The following PRIM2 variants were observed in gnomAD, a reference collection of about 807,000 sequenced individuals.
PRIM2 encodes the protein DNA primase large subunit.
PRIM2 carries 39 observed loss-of-function variants against 67.3 expected under a neutral mutation model. That is an observed-to-expected ratio of 0.58 (90% CI 0.45 to 0.76). The LOEUF is 0.76. Among genes scored for constraint, PRIM2 ranks in the 30% least tolerant of loss-of-function variants. PRIM2 has a pLI of 0.00. For synonymous variants in PRIM2, 143 were observed against 198.7 expected (o/e 0.72, Z 2.36); for missense variants, 398 against 598.7 (o/e 0.66, Z 3.50).
chr6:57,368,783 G>A (rs73751304), intron 5 of PRIM2, among the ~76,000 whole-genome samples: 1 of 152,186 alleles, frequency 6.6e-6, no homozygotes, highest in African/African-American at 2.4e-5. Context: ...GAAGGTCACT[G>A]TTCCAGTCAG....
chr6:57,525,539 A>G (rs1463785975), intron 8 of PRIM2, among the ~76,000 whole-genome samples: 5 of 152,140 alleles, frequency 3.3e-5, no homozygotes, highest in African/African-American at 7.2e-5. Context: ...CAGTTCCCCA[A>G]GATCACCCCT....
In PRIM2 at chr6:57,365,185, T is replaced by G. The variant is rs572914918; in HGVS notation, c.460-14716T>G. 2.0e-5 allele frequency among the ~76,000 whole-genome samples: 3 copies of G among 147,858 alleles called. No individual in the cohort carries two copies. In the South Asian group the frequency reaches 6.7e-4, roughly 33 times the overall value. On this transcript the variant is annotated intron_variant, in intron 5 of 13. Coordinates refer to ENST00000615550, the MANE Select transcript of PRIM2 (RefSeq NM_000947.5). ...AGAGAAGTATTATTTCTTTAATTTG[T>G]TTAACTGCCCTTGTGCTCATCTGGA...
chr6:57,348,863 C>T (rs1320358990), intron 5 of PRIM2, among the ~76,000 whole-genome samples: 1 of 150,530 alleles, frequency 6.6e-6, no homozygotes, highest in African/African-American at 2.4e-5. Context: ...TTATCTGCCT[C>T]AGTCTCCCAA....
intron 10 of PRIM2, among the ~76,000 whole-genome samples, chr6:57,567,055 A>G (rs1775757518): frequency 6.6e-6 from 1 of 152,172 alleles, no homozygotes; most frequent in Non-Finnish European, 1.5e-5. Context: ...AGTACTCAAT[A>G]TCATTTTGCT....
At chr6:57,624,986 A>G (rs1776923263) in intron 12 of PRIM2, among the ~76,000 whole-genome samples, 1 of 152,222 alleles carries the variant, frequency 6.6e-6, no homozygotes, top group Non-Finnish European at 1.5e-5. Context: ...TTTCCCCTAC[A>G]AAACCATCAT....
intron 5 of PRIM2, among the ~76,000 whole-genome samples, chr6:57,358,441 T>G (rs1331032560): frequency 6.6e-6 from 1 of 152,192 alleles, no homozygotes; most frequent in Non-Finnish European, 1.5e-5. Flanking sequence ...TCTCTAAAGT[T>G]CAAAATCCTT....
At chr6:57,239,746 C>CA in the PRIM2 span, among the ~76,000 whole-genome samples, 2 of 151,954 alleles carry the variant, frequency 1.3e-5, no homozygotes, top group Non-Finnish European at 2.9e-5. Flanking sequence ...ACCTTGTCTC[C>CA]AAAAAAATTT....
intron 10 of PRIM2, among the ~76,000 whole-genome samples, chr6:57,593,377 A>G (rs1251953242): frequency 1.3e-5 from 2 of 151,312 alleles, no homozygotes; most frequent in Non-Finnish European, 2.9e-5. Context: ...ATCTTGGCTC[A>G]CTGCAACCTC....
At chr6:57,584,466 A>G (rs1218530404) in intron 10 of PRIM2, among the ~76,000 whole-genome samples, 5 of 152,178 alleles carry the variant, frequency 3.3e-5, no homozygotes, top group Non-Finnish European at 1.5e-5. Flanking sequence ...GCATTTCACT[A>G]TTTCCATTTT....
intron 10 of PRIM2, among the ~76,000 whole-genome samples, chr6:57,570,663 G>A (rs1775845193): frequency 6.6e-6 from 1 of 152,122 alleles, no homozygotes; most frequent in Non-Finnish European, 1.5e-5. Flanking sequence ...GTAAAACAGT[G>A]CCTAGAACAG....
At chr6:57,542,637 T>G (rs1775187075) in intron 10 of PRIM2, among the ~76,000 whole-genome samples, 2 of 152,108 alleles carry the variant, frequency 1.3e-5, no homozygotes, top group Non-Finnish European at 2.9e-5. Flanking sequence ...TAACATATAG[T>G]CTATATTTTT....
chr6:57,367,074 A>T (rs936048522), intron 5 of PRIM2, among the ~76,000 whole-genome samples: 3 of 152,144 alleles, frequency 2.0e-5, no homozygotes, highest in African/African-American at 7.2e-5. Flanking sequence ...GTAACCAGAC[A>T]ATTGATTTTT....
At chr6:57,572,676 G>A (rs1419487428) in intron 10 of PRIM2, among the ~76,000 whole-genome samples, 28 of 152,286 alleles carry the variant, frequency 1.8e-4, no homozygotes, top group Non-Finnish European at 2.9e-4. Context: ...AGGGAATAGA[G>A]AGATGTCCCT....
chr6:57,615,514 T>A (rs1776740179), intron 12 of PRIM2, among the ~76,000 whole-genome samples: 1 of 152,168 alleles, frequency 6.6e-6, no homozygotes, highest in Non-Finnish European at 1.5e-5. Context: ...TCAGAAGAAG[T>A]TTTTTCTATT....
intron 8 of PRIM2, among the ~76,000 whole-genome samples, chr6:57,527,789 G>A (rs1228496340): frequency 1.5e-3 from 230 of 152,172 alleles, no homozygotes; most frequent in African/African-American, 5.2e-3. Context: ...CTCCTCTAAT[G>A]CAGACATAAG....
Position 57,480,996 on chromosome 6 carries a change from A to G in PRIM2, c.694-26391A>G, listed in dbSNP as rs1239122503. On this transcript the variant is annotated intron_variant, in intron 7 of 13. Transcript: ENST00000615550. The stretch of plus-strand genomic sequence containing the variant: ...TATATAACTTTTAACTTTTTAAAAA[A>G]TTTTGAAATAATCATAGGTTCATAG... Among the ~76,000 whole-genome samples, 16 of 152,316 alleles carry G rather than the reference A, an allele frequency of 1.1e-4. No individual in the cohort carries two copies. The South Asian group carries it at 3.3e-3, about 32-fold the overall frequency.
intron 7 of PRIM2, among the ~76,000 whole-genome samples, chr6:57,446,299 T>G (rs968137907): frequency 1.7e-4 from 25 of 151,476 alleles, no homozygotes; most frequent in South Asian, 4.2e-4. Context: ...GTTTTTTTTT[T>G]TTTTAGAAGT....
At chr6:57,307,386 T>G in the PRIM2 span, among the ~76,000 whole-genome samples, 1 of 151,674 alleles carries the variant, frequency 6.6e-6, no homozygotes, top group Non-Finnish European at 1.5e-5. Flanking sequence ...CCTGAGTAGC[T>G]GGGACTATAG....
chr6:57,257,109 CT>C, the PRIM2 span, among the ~76,000 whole-genome samples: 36 of 152,154 alleles, frequency 2.4e-4, no homozygotes, highest in African/African-American at 8.7e-4. Flanking sequence ...CAAGAAACAA[CT>C]GGTGTATCTT....
Sources: gnomAD v4.1 joint callset for allele counts (sites outside exome capture counted in the v4.1 genomes callset) on GRCh38, gnomAD v4.1.1 for gene constraint, MANE v1.5 for transcripts, NCBI Gene and HGNC (gene_info 2026-07-23, HGNC 2026-07-21) for gene names.